Variants in PHF2 observed in about 807,000 individuals in gnomAD.
PHF2 encodes the protein lysine-specific demethylase PHF2.
Under a neutral mutation model 120.5 loss-of-function variants are expected in PHF2, and 27 were observed. The observed-to-expected ratio is 0.22, with a 90% CI of 0.17 to 0.31. PHF2 has a LOEUF of 0.31. PHF2 is among the 10% of genes least tolerant of loss of function. The probability of loss-of-function intolerance (pLI) is 1.00; values close to 1 mark genes in which losing one functional copy is unlikely to be tolerated. For missense variants in PHF2, 1,024 were observed against 1,434.8 expected (o/e 0.71, Z 4.63); for synonymous variants, 568 against 592.5 (o/e 0.96, Z 0.60).
chr9:93,657,702 A>G (rs1231121609), intron 9 of PHF2, among the ~76,000 whole-genome samples: 1 of 152,146 alleles, frequency 6.6e-6, no homozygotes, highest in Non-Finnish European at 1.5e-5. Flanking sequence ...CAGCAGGAGC[A>G]CACCTCCCAG....
intron 1 of PHF2, among the ~76,000 whole-genome samples, chr9:93,588,139 A>C (rs952542549): frequency 6.6e-6 from 1 of 152,202 alleles, no homozygotes. Context: ...AGCTGGGGGC[A>C]GAACCACAGC....
In PHF2 at chr9:93,660,312, C is replaced by G; in HGVS notation, c.1450C>G (p.Leu484Val). 6.2e-7 allele frequency: 1 copy of G among 1,610,682 alleles called. No individual in the cohort carries two copies. The highest frequency in any genetic ancestry group is 8.5e-7 in the Non-Finnish European group (1 of 1,178,802). ...SPIEATPPQS[L>V]LEKVSKKKTP... is the part of the protein sequence containing the mutation. ...CATTGAGGCCACCCCGCCTCAATCCCTCCTGGAGAAAGTGTCCAAAAAAAA... is the reference window on the plus strand; with the variant it reads ...CATTGAGGCCACCCCGCCTCAATCCGTCCTGGAGAAAGTGTCCAAAAAAAA... The change falls in exon 12 of 22, where the codon CTC (leucine) becomes GTC (valine). Residue 484 changes from leucine (L) to valine (V), a missense_variant. By Grantham distance (32) the Leu-to-Val change is conservative. This residue lies in a region of PHF2 where 677 missense variants were observed against 857.4 expected (regional missense o/e 0.79). Transcript: ENST00000359246.
intron 5 of PHF2, among the ~76,000 whole-genome samples, chr9:93,650,677 T>TC (rs1826353541): frequency 6.6e-6 from 1 of 152,108 alleles, no homozygotes; most frequent in Non-Finnish European, 1.5e-5. Context: ...GACCTTGTTC[T>TC]CCCCCCAGGC....
chr9:93,645,607 T>C, intron 3 of PHF2, 22 bp from the exon 4 acceptor site: 1 of 1,555,978 alleles, frequency 6.4e-7, no homozygotes, highest in Non-Finnish European at 8.7e-7. Flanking sequence ...CAATGTGGCC[T>C]CTGACCTGTG....
intron 3 of PHF2, 73 bp downstream of exon 3, chr9:93,636,598 T>TA: frequency 9.2e-7 from 1 of 1,082,310 alleles, no homozygotes; most frequent in Non-Finnish European, 1.4e-6. Flanking sequence ...CTTGTCCCGC[T>TA]ATCCATTGCT....
At position 93,673,828 on chromosome 9, in the gene PHF2, C is replaced by T. The variant is rs2093073724; in HGVS notation, c.2592C>T (p.Asp864=). The part of the protein sequence containing the change: ...VDLDDYEEEQ[D]HLDACFKDSD... ...TGGACGACTACGAGGAAGAGCAGGACCACCTGGATGCCTGCTTCAAGGACT... is the reference window on the plus strand; with the variant it reads ...TGGACGACTACGAGGAAGAGCAGGATCACCTGGATGCCTGCTTCAAGGACT... The change falls in exon 18 of 22, where the codon GAC becomes GAT. Residue 864 remains aspartate, a synonymous_variant. Coordinates refer to ENST00000359246, the MANE Select transcript of PHF2 (RefSeq NM_005392.4). 2 of 1,604,848 alleles carry T rather than the reference C, an allele frequency of 1.2e-6. No individual in the cohort carries two copies. The highest frequency in any genetic ancestry group is 1.7e-6 in the Non-Finnish European group (2 of 1,173,174).
intron 1 of PHF2, among the ~76,000 whole-genome samples, chr9:93,598,882 G>A (rs1825380838): frequency 6.6e-6 from 1 of 152,094 alleles, no homozygotes. Context: ...CTCCCCGTAA[G>A]CCCCTCCCTT....
intron 1 of PHF2, among the ~76,000 whole-genome samples, chr9:93,598,877 C>T (rs535258339): frequency 1.5e-4 from 23 of 152,312 alleles, no homozygotes; most frequent in African/African-American, 4.8e-4. Flanking sequence ...AGCCCCTCCC[C>T]GTAAGCCCCT....
intron 1 of PHF2, among the ~76,000 whole-genome samples, chr9:93,607,229 A>G (rs545391855): frequency 6.6e-6 from 1 of 152,202 alleles, no homozygotes; most frequent in South Asian, 2.1e-4. Context: ...CAATTTGTCA[A>G]TATCCACAAA....
chr9:93,616,673 A>G (rs1325683677), intron 1 of PHF2, among the ~76,000 whole-genome samples: 1 of 150,498 alleles, frequency 6.6e-6, no homozygotes, highest in Non-Finnish European at 1.5e-5. Flanking sequence ...TTTCTGAAAC[A>G]GAGTTTCGCT....
At chr9:93,611,637 A>G (rs942420832) in intron 1 of PHF2, among the ~76,000 whole-genome samples, 6 of 152,104 alleles carry the variant, frequency 3.9e-5, no homozygotes, top group Non-Finnish European at 7.3e-5. Context: ...CAGCCTCCAG[A>G]GTAGCTAGGA....
rs200517495 is a variant in PHF2 at position 93,615,193 on chromosome 9, GTGA to G, written c.99-14768_99-14766del. Among the ~76,000 whole-genome samples, 22 of 120,236 alleles carry G rather than the reference GTGA, an allele frequency of 1.8e-4. No homozygotes were observed. The East Asian group carries it at 2.1e-3, about 12-fold the overall frequency. 78.9% of individuals were successfully genotyped at this position (120,236 alleles called of 152,430 possible). On this transcript the variant is annotated intron_variant, in intron 1 of 21. Transcript: ENST00000359246. ...GGTGATAGTAATGGTGATGGCGATG[GTGA>G]TGATGATGGTGATGGTGATGGTGAT... is the stretch of plus-strand genomic sequence containing the variant.
At chr9:93,662,536 ATGGATGGATG>A (rs1826590836) in intron 12 of PHF2, among the ~76,000 whole-genome samples, 1 of 20,652 alleles carries the variant, frequency 4.8e-5, no homozygotes, top group African/African-American at 1.9e-4. Context: ...GGGTGGGCGG[ATGGATGGATG>A]GATGGATGGA....
intron 1 of PHF2, among the ~76,000 whole-genome samples, chr9:93,585,672 C>T (rs1863028043): frequency 6.6e-6 from 1 of 152,242 alleles, no homozygotes; most frequent in Non-Finnish European, 1.5e-5. Flanking sequence ...TACACCCACC[C>T]CTGGGGCTGC....
intron 1 of PHF2, among the ~76,000 whole-genome samples, chr9:93,591,947 C>T (rs1430046603): frequency 6.6e-6 from 1 of 152,250 alleles, no homozygotes; most frequent in Non-Finnish European, 1.5e-5. Context: ...TACATACCTG[C>T]CCGAGGGCAT....
At chr9:93,674,874 C>T (rs1211590533) in intron 18 of PHF2, 53 bp from the exon 19 acceptor site, 21 of 1,384,096 alleles carry the variant, frequency 1.5e-5, no homozygotes, top group Middle Eastern at 1.8e-4. Context: ...CGCCCTCCTC[C>T]GTGGACCTGC....
intron 7 of PHF2, among the ~76,000 whole-genome samples, chr9:93,654,778 C>T (rs1826429351): frequency 6.6e-6 from 1 of 152,262 alleles, no homozygotes; most frequent in African/African-American, 2.4e-5. Flanking sequence ...CCACCCCAGC[C>T]CAGTCCCTGC....
At chr9:93,638,889 T>C (rs534289705) in intron 3 of PHF2, among the ~76,000 whole-genome samples, 69 of 152,268 alleles carry the variant, frequency 4.5e-4, no homozygotes, top group African/African-American at 1.6e-3. Flanking sequence ...TGGCTAATTT[T>C]TTGTAGTTTT....
chr9:93,649,850 G>A (rs1826333195), intron 5 of PHF2, among the ~76,000 whole-genome samples: 1 of 151,932 alleles, frequency 6.6e-6, no homozygotes, highest in African/African-American at 2.4e-5. Context: ...CCAACGTGTG[G>A]TGCAGTCACA....
Sources: gnomAD v4.1 joint callset for allele counts (sites outside exome capture counted in the v4.1 genomes callset) on GRCh38, gnomAD v4.1.1 for gene constraint, gnomAD v4.1.1 regional missense constraint, MANE v1.5 for transcripts, NCBI Gene and HGNC (gene_info 2026-07-23, HGNC 2026-07-21) for gene names.